CNOT6L: variants seen among roughly 807,000 people sequenced by gnomAD.
CNOT6L encodes the protein CCR4-NOT transcription complex subunit 6-like.
A neutral mutation model predicts 64.0 loss-of-function variants in CNOT6L; 7 were observed. The observed-to-expected ratio is 0.11, with a 90% confidence interval of 0.06 to 0.21. The LOEUF (loss-of-function observed/expected upper bound fraction) is 0.21. Ranked by LOEUF, CNOT6L falls within the 10% of genes least tolerant of loss-of-function variation. The pLI is 1.00. For missense variants in CNOT6L, 245 were observed against 669.0 expected (o/e 0.37, Z 6.99); for synonymous variants, 193 against 243.4 (o/e 0.79, Z 1.93).
intron 1 of CNOT6L, among the ~76,000 whole-genome samples, chr4:77,814,450 T>C (rs1733334533): frequency 6.6e-6 from 1 of 152,182 alleles, no homozygotes; most frequent in East Asian, 1.9e-4. Flanking sequence ...CCATTTTATG[T>C]CTCAGAATGT....
chr4:77,765,183 G>A (rs1726682113), intron 4 of CNOT6L, among the ~76,000 whole-genome samples: 2 of 152,230 alleles, frequency 1.3e-5, no homozygotes, highest in Admixed American at 1.3e-4. Context: ...GTTTACAAAG[G>A]CCATGGCAAT....
intron 6 of CNOT6L, among the ~76,000 whole-genome samples, chr4:77,746,205 G>C (rs1724180163): frequency 6.6e-6 from 1 of 152,152 alleles, no homozygotes; most frequent in African/African-American, 2.4e-5. Flanking sequence ...ATCAGAGATT[G>C]CAATTTTTAT....
intron 2 of CNOT6L, among the ~76,000 whole-genome samples, 186 bp downstream of exon 2, chr4:77,776,085 T>C (rs1165684864): frequency 6.6e-6 from 1 of 152,126 alleles, no homozygotes. Flanking sequence ...CTCAATGTAA[T>C]TAATCTCAAA....
At chr4:77,820,065 G>A (rs1734111306), upstream of CNOT6L, among the ~76,000 whole-genome samples, 1 of 152,116 alleles carries the variant, frequency 6.6e-6, no homozygotes. Flanking sequence ...GCCGCTGCGG[G>A]GGTTGCCGCT....
chr4:77,760,582 A>G (rs1726088395), intron 4 of CNOT6L, among the ~76,000 whole-genome samples: 1 of 151,888 alleles, frequency 6.6e-6, no homozygotes, highest in South Asian at 2.1e-4. Context: ...AAATTAAAAA[A>G]AAAAATACCG....
intron 1 of CNOT6L, among the ~76,000 whole-genome samples, chr4:77,794,008 C>T (rs968477074): frequency 2.0e-5 from 3 of 151,260 alleles, no homozygotes; most frequent in African/African-American, 4.9e-5. Flanking sequence ...AAAAATTAGC[C>T]GGGCATGGTA....
chr4:77,802,174 T>C (rs373369084), intron 1 of CNOT6L, among the ~76,000 whole-genome samples: 1 of 152,196 alleles, frequency 6.6e-6, no homozygotes, highest in Admixed American at 6.5e-5. Flanking sequence ...ATACAGTAAT[T>C]TGTAACTATT....
chr4:77,803,545 T>C (rs2110151547), intron 1 of CNOT6L, among the ~76,000 whole-genome samples: 1 of 152,264 alleles, frequency 6.6e-6, no homozygotes, highest in East Asian at 1.9e-4. Context: ...CAGAAATAAA[T>C]TGTCAATCAA....
intron 4 of CNOT6L, among the ~76,000 whole-genome samples, chr4:77,768,474 A>AATATATATATATATATATATAT (rs1193284066): frequency 6.1e-4 from 8 of 13,072 alleles, no homozygotes; most frequent in East Asian, 2.7e-3. Context: ...AAAATAAATA[A>AATATATATATATATATATATAT]ATATATATAT....
intron 1 of CNOT6L, among the ~76,000 whole-genome samples, chr4:77,785,994 A>AACATGGCC (rs1341108218): frequency 6.6e-6 from 1 of 152,158 alleles, no homozygotes; most frequent in Non-Finnish European, 1.5e-5. Context: ...AATAAGAAAT[A>AACATGGCC]ACATGGCCGG....
In CNOT6L at chr4:77,715,323, C is replaced by G. The variant is rs1451928061; in HGVS notation, c.*5108G>C. Reference sequence around the variant, plus strand: ...GATGACATACTTCTAAAATGCAGTTCAATGCTACTCAGTTTATACAATGTA... The same window carrying G: ...GATGACATACTTCTAAAATGCAGTTGAATGCTACTCAGTTTATACAATGTA... On this transcript the variant is annotated 3_prime_UTR_variant, in exon 12 of 12. Coordinates refer to ENST00000504123, the MANE Select transcript of CNOT6L (RefSeq NM_144571.3). The G allele has an allele frequency of 6.6e-6, 1 of 151,910 alleles. No homozygotes were observed. Among genetic ancestry groups the G allele is most frequent in the Admixed American group, 6.6e-5 (1 of 15,210 alleles). 9.4% of individuals were successfully genotyped at this position (151,910 alleles called of 1,614,324 possible). A position where few individuals can be genotyped will look rare whatever the true frequency, so the allele number is the denominator to read the frequency against.
At chr4:77,774,506 G>C in intron 3 of CNOT6L, 24 bp downstream of exon 3, 1 of 1,557,190 alleles carries the variant, frequency 6.4e-7, no homozygotes, top group South Asian at 1.2e-5. Context: ...TATATAGTGA[G>C]TCATGTCTGT....
intron 1 of CNOT6L, among the ~76,000 whole-genome samples, chr4:77,818,743 A>G: frequency 6.6e-6 from 1 of 151,898 alleles, no homozygotes; most frequent in Non-Finnish European, 1.5e-5. Context: ...GGCCCGAGGC[A>G]GCGCCGTGGG....
chr4:77,803,184 G>A (rs1322450183), intron 1 of CNOT6L, among the ~76,000 whole-genome samples: 1 of 151,414 alleles, frequency 6.6e-6, no homozygotes, highest in Non-Finnish European at 1.5e-5. Flanking sequence ...TCATGATCAG[G>A]CAAATCACAA....
chr4:77,756,006 CAG>C (rs1390556127), intron 5 of CNOT6L, among the ~76,000 whole-genome samples: 7 of 151,394 alleles, frequency 4.6e-5, no homozygotes, highest in African/African-American at 1.7e-4. Context: ...TTTTTTGAGA[CAG>C]AGTCACGCTC....
At position 77,800,106 on chromosome 4, in the gene CNOT6L, GAAAACTGAACTTGATAGTATCA is replaced by G. The variant is rs1386632795; in HGVS notation, c.5+19176_5+19197del. Among the ~76,000 whole-genome samples, 25 of 151,540 alleles carry G rather than the reference GAAAACTGAACTTGATAGTATCA, an allele frequency of 1.6e-4. No homozygotes were observed. In the South Asian group the frequency reaches 1.9e-3, roughly 11 times the overall value. ...TTCAAGAAATTGGTTTTAATTACCA[GAAAACTGAACTTGATAGTATCA>G]AAAACTGAACTAATGAATCCTTTTC... On this transcript the variant is annotated intron_variant, in intron 1 of 11. Coordinates refer to ENST00000504123, the MANE Select transcript of CNOT6L (RefSeq NM_144571.3).
intron 1 of CNOT6L, among the ~76,000 whole-genome samples, chr4:77,810,307 T>C (rs1294720508): frequency 6.6e-6 from 1 of 152,176 alleles, no homozygotes; most frequent in East Asian, 1.9e-4. Flanking sequence ...AACACAACTT[T>C]ACCTTACTGA....
At position 77,756,933 on chromosome 4, in the gene CNOT6L, T is replaced by A; in HGVS notation, c.419A>T (p.Asp140Val). Residue 140 changes from aspartate to valine, a missense_variant, in exon 5 of 12, where the codon GAT becomes GTT. This residue lies in a region of CNOT6L where 94 missense variants were observed against 290.9 expected (regional missense o/e 0.32). Transcript: ENST00000504123. ...TGGGTCCTGGTATAAGTTGAGAATA[T>A]CCTGTGATAAAGGATTGCCTAAAGC... is the stretch of plus-strand genomic sequence containing the variant. ...LGLKGNPLSQDILNLYQDPDG... is the reference protein window; with the variant it reads ...LGLKGNPLSQVILNLYQDPDG... The A allele has an allele frequency of 6.2e-7, 1 of 1,606,048 alleles. No individual in the cohort carries two copies. Among genetic ancestry groups the A allele is most frequent in the African/African-American group, 1.3e-5 (1 of 74,856 alleles).
intron 4 of CNOT6L, among the ~76,000 whole-genome samples, chr4:77,768,591 A>G (rs1727162971): frequency 6.7e-6 from 1 of 150,150 alleles, no homozygotes; most frequent in South Asian, 2.1e-4. Flanking sequence ...CTTATAACGC[A>G]AAATAGAAAA....
Sources: gnomAD v4.1 joint callset for allele counts (sites outside exome capture counted in the v4.1 genomes callset) on GRCh38, gnomAD v4.1.1 for gene constraint, gnomAD v4.1.1 regional missense constraint, MANE v1.5 for transcripts, NCBI Gene and HGNC (gene_info 2026-07-23, HGNC 2026-07-21) for gene names.